ZNF503: variants seen among roughly 807,000 people sequenced by gnomAD.
The protein encoded by ZNF503 is zinc finger protein 503, also known as NocA-like zinc finger 2.
A neutral mutation model predicts 34.4 loss-of-function variants in ZNF503; 15 were observed. The ratio of observed to expected loss-of-function variants is 0.44; its 90% CI spans 0.29 to 0.67. ZNF503 has a LOEUF of 0.67. Ranked by LOEUF, ZNF503 falls within the 30% of genes least tolerant of loss-of-function variation. The probability of loss-of-function intolerance (pLI) is 0.13; values close to 1 mark genes in which losing one functional copy is unlikely to be tolerated. For missense variants in ZNF503, 1,007 were observed against 926.8 expected (o/e 1.09, Z -1.12); for synonymous variants, 580 against 456.8 (o/e 1.27, Z -3.44).
At position 75,400,225 on chromosome 10, in the gene ZNF503, C is replaced by T. The variant is rs770630999; in HGVS notation, c.465G>A (p.Lys155=). ...GGAGGGAAGD[K]DTKSGPLKLS... ...GCTTCAGGGGGCCCGATTTGGTGTC[C>T]TTGTCGCCCGCAGCACCGCCGCCGG... The change falls in exon 2 of 2, where the codon AAG becomes AAA. Residue 155 remains lysine (K), a synonymous_variant. Transcript: ENST00000372524. The T allele has an allele frequency of 3.7e-6, 6 of 1,609,176 alleles. No homozygotes were observed. Among genetic ancestry groups the T allele is most frequent in the Non-Finnish European group, 5.1e-6 (6 of 1,178,560 alleles).
chr10:75,336,368 C>T, the ZNF503 span, among the ~76,000 whole-genome samples: 34 of 102,776 alleles, frequency 3.3e-4, no homozygotes, highest in African/African-American at 1.4e-3. Flanking sequence ...TAGACCTATA[C>T]AGAATTGTCA....
chr10:75,318,971 C>CT, the ZNF503 span, among the ~76,000 whole-genome samples: 1 of 141,234 alleles, frequency 7.1e-6, no homozygotes, highest in Non-Finnish European at 1.5e-5. Flanking sequence ...TTTCTTATTT[C>CT]TTTTTCAAGA....
chr10:75,292,251 G>A, the ZNF503 span, among the ~76,000 whole-genome samples: 2 of 152,280 alleles, frequency 1.3e-5, no homozygotes, highest in Admixed American at 6.5e-5. Context: ...TTTATTTTAG[G>A]TGAATCCTCC....
the ZNF503 span, among the ~76,000 whole-genome samples, chr10:75,294,874 C>G: frequency 1.3e-5 from 2 of 151,918 alleles, no homozygotes; most frequent in Non-Finnish European, 2.9e-5. Context: ...GATGCGGGCC[C>G]GGGTTTTTCT....
At chr10:75,377,047 G>A in the ZNF503 span, among the ~76,000 whole-genome samples, 2 of 152,190 alleles carry the variant, frequency 1.3e-5, no homozygotes, top group African/African-American at 2.4e-5. Context: ...TCACCTGGGT[G>A]CTTGCTAGAA....
the ZNF503 span, among the ~76,000 whole-genome samples, chr10:75,369,742 A>T: frequency 1.3e-5 from 2 of 152,224 alleles, no homozygotes; most frequent in Admixed American, 6.5e-5. Flanking sequence ...GTTACTGAAG[A>T]AGTAAGATAT....
chr10:75,391,318 T>C, the ZNF503 span, among the ~76,000 whole-genome samples: 11 of 152,302 alleles, frequency 7.2e-5, no homozygotes, highest in African/African-American at 2.6e-4. Flanking sequence ...GGGTCCCTTT[T>C]ACCTCTTGTT....
At chr10:75,309,256 G>C in the ZNF503 span, among the ~76,000 whole-genome samples, 2 of 152,174 alleles carry the variant, frequency 1.3e-5, no homozygotes, top group East Asian at 1.9e-4. Context: ...AGAAAATTTC[G>C]TAAACTTAGT....
At chr10:75,397,177 C>A (rs1437360497), downstream of ZNF503, among the ~76,000 whole-genome samples, 16 of 151,846 alleles carry the variant, frequency 1.1e-4, no homozygotes, top group Admixed American at 2.6e-4. Context: ...GCCGGCCAGC[C>A]CCGGGTCCCG....
the ZNF503 span, among the ~76,000 whole-genome samples, chr10:75,281,220 G>T: frequency 6.6e-6 from 1 of 152,126 alleles, no homozygotes; most frequent in Admixed American, 6.5e-5. Flanking sequence ...AGAGAGATGT[G>T]ACCTAGTTTG....
downstream of ZNF503, among the ~76,000 whole-genome samples, chr10:75,396,912 C>T (rs1409713712): frequency 6.6e-6 from 1 of 151,802 alleles, no homozygotes; most frequent in Non-Finnish European, 1.5e-5. The surrounding 1 kb of genome is among the most constrained non-coding windows in gnomAD (Gnocchi z 4.4). Context: ...GTCCTGCGGC[C>T]CAAGCTGGGG....
At chr10:75,297,165 C>T in the ZNF503 span, among the ~76,000 whole-genome samples, 1 of 152,154 alleles carries the variant, frequency 6.6e-6, no homozygotes, top group Non-Finnish European at 1.5e-5. Flanking sequence ...TATTCTTTCC[C>T]TGGCAAACTC....
chr10:75,329,381 TCTTCCTTCCTTCCTTCCTTC>T, the ZNF503 span, among the ~76,000 whole-genome samples: 1 of 129,112 alleles, frequency 7.7e-6, no homozygotes, highest in East Asian at 2.0e-4. Context: ...CTTCTTTCTT[TCTTCCTTCCTTCCTTCCTTC>T]CTTCCTTCCT....
chr10:75,370,297 C>G, the ZNF503 span, among the ~76,000 whole-genome samples: 2 of 152,148 alleles, frequency 1.3e-5, 1 homozygote, highest in South Asian at 4.1e-4. Context: ...GGCCACCCTA[C>G]CCCTTCAGGG....
At chr10:75,296,297 C>G in the ZNF503 span, 1 of 152,424 alleles carries the variant, frequency 6.6e-6, no homozygotes, top group Non-Finnish European at 1.5e-5. Flanking sequence ...AGCGGAAGGT[C>G]ATCGGCATGA....
the ZNF503 span, among the ~76,000 whole-genome samples, chr10:75,389,963 G>C: frequency 6.6e-6 from 1 of 152,000 alleles, no homozygotes; most frequent in African/African-American, 2.4e-5. Flanking sequence ...TGCGATCTGC[G>C]CTCACTGCAA....
chr10:75,352,720 A>C, the ZNF503 span, among the ~76,000 whole-genome samples: 2 of 152,314 alleles, frequency 1.3e-5, no homozygotes, highest in South Asian at 2.1e-4. Flanking sequence ...TCCCTATTTA[A>C]AGAAGAGTCA....
the ZNF503 span, among the ~76,000 whole-genome samples, chr10:75,316,070 TA>T: frequency 3.7e-4 from 56 of 152,278 alleles, no homozygotes; most frequent in African/African-American, 1.3e-3. Context: ...CCTAAATATA[TA>T]AGCAAATATT....
chr10:75,379,864 T>C, the ZNF503 span, among the ~76,000 whole-genome samples: 2 of 152,242 alleles, frequency 1.3e-5, no homozygotes, highest in African/African-American at 4.8e-5. Context: ...TGATTCTTTG[T>C]TGCAGGAGAG....
Sources: allele counts gnomAD v4.1 joint callset (sites outside exome capture counted in the v4.1 genomes callset), GRCh38; gene constraint gnomAD v4.1.1; non-coding constraint Gnocchi (gnomAD v3.1); transcripts MANE v1.5; gene names NCBI Gene and HGNC (gene_info 2026-07-23, HGNC 2026-07-21).